RGR: variants seen among roughly 807,000 people sequenced by gnomAD.
RGR encodes retinal G protein coupled receptor, also known as RPE-retinal G protein-coupled receptor.
Under a neutral mutation model 28.6 loss-of-function variants are expected in RGR, and 30 were observed. The ratio of observed to expected loss-of-function variants is 1.05; its 90% CI spans 0.78 to 1.42. The LOEUF is 1.42. RGR is among the 40% of genes most tolerant of loss of function. The probability of loss-of-function intolerance (pLI) is 0.00; values close to 1 mark genes in which losing one functional copy is unlikely to be tolerated. For synonymous variants in RGR, 180 were observed against 156.4 expected (o/e 1.15, Z -1.13); for missense variants, 404 against 375.6 (o/e 1.08, Z -0.62).
At chr10:84,248,623 C>A in intron 2 of RGR, 1 of 513,306 alleles carries the variant, frequency 1.9e-6, no homozygotes. Context: ...GTCAGTTTCC[C>A]CACCTATCAA....
At chr10:84,251,347 G>T (rs1842816122) in intron 3 of RGR, among the ~76,000 whole-genome samples, 1 of 152,136 alleles carries the variant, frequency 6.6e-6, no homozygotes, top group Non-Finnish European at 1.5e-5. Flanking sequence ...GTCTTAGTCT[G>T]CCCAGGCTCC....
chr10:84,245,942 A>G (rs547942399), intron 1 of RGR, among the ~76,000 whole-genome samples: 14 of 152,340 alleles, frequency 9.2e-5, no homozygotes, highest in African/African-American at 3.4e-4. Flanking sequence ...GCAGACCCAG[A>G]GAAATCATCA....
At chr10:84,248,439 G>A in intron 2 of RGR, 1 of 252,072 alleles carries the variant, frequency 4.0e-6, no homozygotes, top group Non-Finnish European at 7.8e-6. Flanking sequence ...GGATGTGCAT[G>A]CTCAGTGCTG....
intron 3 of RGR, chr10:84,250,386 C>T: frequency 1.4e-6 from 1 of 717,424 alleles, no homozygotes; most frequent in Middle Eastern, 2.3e-4. Context: ...TCTCTCCAGG[C>T]CAAAATGCTG....
chr10:84,246,612 T>A (rs867494525), intron 1 of RGR, among the ~76,000 whole-genome samples: 11 of 152,380 alleles, frequency 7.2e-5, no homozygotes, highest in Middle Eastern at 3.4e-3. Context: ...CTACATTTTC[T>A]TTATCCATTC....
At chr10:84,245,853 G>A (rs1203238452) in intron 1 of RGR, among the ~76,000 whole-genome samples, 1 of 152,210 alleles carries the variant, frequency 6.6e-6, no homozygotes, top group Non-Finnish European at 1.5e-5. Flanking sequence ...GCTCGCTGAG[G>A]CCAGAGCTAG....
intron 3 of RGR, chr10:84,250,491 C>A (rs1157979456): frequency 5.6e-6 from 4 of 713,914 alleles, no homozygotes; most frequent in Non-Finnish European, 5.2e-6. Context: ...CAGCCCCTGC[C>A]CCTAATGCTC....
At position 84,248,906 on chromosome 10, in the gene RGR, C is replaced by T; in HGVS notation, c.237-16C>T. ...GGATCGGAGGAGAGGTCACTGGTGCCCAGTGTCTCCCACAGGCGCTGGCCC... is the reference window on the plus strand; with the variant it reads ...GGATCGGAGGAGAGGTCACTGGTGCTCAGTGTCTCCCACAGGCGCTGGCCC... On this transcript the variant is annotated splice_polypyrimidine_tract_variant and intron_variant, in intron 2 of 6. Coordinates refer to ENST00000652092, the MANE Select transcript of RGR (RefSeq NM_001012720.2). 6.2e-7 allele frequency: 1 copy of T among 1,614,186 alleles called. No individual in the cohort carries two copies. Among genetic ancestry groups the T allele is most frequent in the Non-Finnish European group, 8.5e-7 (1 of 1,180,028 alleles).
At chr10:84,250,221 C>A (rs1213054674) in intron 3 of RGR, among the ~76,000 whole-genome samples, 2 of 152,128 alleles carry the variant, frequency 1.3e-5, no homozygotes, top group African/African-American at 4.8e-5. Flanking sequence ...TGAATTTGTC[C>A]AGCACAGAGG....
chr10:84,256,667 G>A (rs913798411), intron 5 of RGR, among the ~76,000 whole-genome samples: 7 of 152,192 alleles, frequency 4.6e-5, no homozygotes, highest in African/African-American at 1.7e-4. Context: ...GCTCCCAGCT[G>A]GCTGCTGGCA....
chr10:84,258,358 C>T, intron 6 of RGR, 150 bp from the exon 7 acceptor site: 1 of 1,281,442 alleles, frequency 7.8e-7, no homozygotes, highest in Non-Finnish European at 1.1e-6. Context: ...GTGAGCCATG[C>T]ATCTCCACCA....
At chr10:84,258,180 C>T (rs1013944538) in intron 6 of RGR, among the ~76,000 whole-genome samples, 174 bp downstream of exon 6, 1 of 152,192 alleles carries the variant, frequency 6.6e-6, no homozygotes, top group Non-Finnish European at 1.5e-5. Context: ...TCCCCCACCT[C>T]GTCTCTGAGT....
chr10:84,254,482 C>G (rs545218891), intron 5 of RGR, 39 bp downstream of exon 5: 2 of 1,520,688 alleles, frequency 1.3e-6, no homozygotes, highest in Non-Finnish European at 9.1e-7. Flanking sequence ...GATGGTGCAG[C>G]GCAGCTCCAG....
chr10:84,254,448 G>C lies in RGR; in HGVS notation c.630+5G>C, dbSNP rs763749045. The C allele has an allele frequency of 6.2e-7, 1 of 1,611,076 alleles. No homozygotes were observed. The highest frequency in any genetic ancestry group is 1.7e-5 in the Admixed American group (1 of 59,994). ...GGGAAGAGTGGCCATCTCCAGGTAA[G>C]GACCCCCTTCCGGAGTGTTATCTGA... is the stretch of plus-strand genomic sequence containing the variant. On this transcript the variant is annotated splice_donor_5th_base_variant and intron_variant, in intron 5 of 6. Coordinates refer to ENST00000652092, the MANE Select transcript of RGR (RefSeq NM_001012720.2).
At position 84,256,901 on chromosome 10, in the gene RGR, C is replaced by A. The variant is rs543546920; in HGVS notation, c.631-992C>A. 2.5e-4 allele frequency among the ~76,000 whole-genome samples: 38 copies of A among 152,200 alleles called. No homozygotes were observed. In the East Asian group the frequency reaches 7.0e-3, roughly 28 times the overall value. ...CCCAAGCTGAGCGGCTTCCCGAGAC[C>A]GCGTAGCCTCCCCAGGGGATTCCAC... On this transcript the variant is annotated intron_variant, in intron 5 of 6. Coordinates refer to ENST00000652092, the MANE Select transcript of RGR (RefSeq NM_001012720.2).
Position 84,258,557 on chromosome 10 carries a change from A to G in RGR, c.794A>G (p.Tyr265Cys), listed in dbSNP as rs371107677. 1.0e-4 allele frequency: 164 copies of G among 1,614,060 alleles called. No individual in the cohort carries two copies. The highest frequency in any genetic ancestry group is 1.2e-4 in the Non-Finnish European group (140 of 1,180,040). Reference protein sequence around the residue: ...KMVPTINAINYALGNEMVCRG... With the variant: ...KMVPTINAINCALGNEMVCRG... Reference sequence around the variant, plus strand: ...GTGCCCACGATCAATGCCATCAACTATGCCCTGGGCAATGAGATGGTCTGC... The same window carrying G: ...GTGCCCACGATCAATGCCATCAACTGTGCCCTGGGCAATGAGATGGTCTGC... Residue 265 changes from tyrosine (Y) to cysteine (C), a missense_variant, in exon 7 of 7, where the codon TAT becomes TGT. Tyr to Cys is a radical substitution (Grantham distance 194, BLOSUM62 -2). Coordinates refer to ENST00000652092, the MANE Select transcript of RGR (RefSeq NM_001012720.2).
chr10:84,247,520 C>A (rs942916137), intron 1 of RGR, 71 bp from the exon 2 acceptor site: 5 of 1,567,704 alleles, frequency 3.2e-6, no homozygotes, highest in Non-Finnish European at 3.5e-6. Context: ...GTTCCATCCA[C>A]CCCACACACA....
chr10:84,255,970 C>A (rs193206433), intron 5 of RGR, among the ~76,000 whole-genome samples: 1 of 149,616 alleles, frequency 6.7e-6, no homozygotes, highest in Admixed American at 6.6e-5. Flanking sequence ...GTGATCCGCC[C>A]GCCTCCGCCT....
At chr10:84,255,392 G>C (rs1368323151) in intron 5 of RGR, 3 of 152,236 alleles carry the variant, frequency 2.0e-5, no homozygotes, top group Non-Finnish European at 4.4e-5. Context: ...CCAAGGATGT[G>C]AGGTTTGGCA....
Sources: allele counts gnomAD v4.1 joint callset (sites outside exome capture counted in the v4.1 genomes callset), GRCh38; gene constraint gnomAD v4.1.1; transcripts MANE v1.5; gene names NCBI Gene and HGNC (gene_info 2026-07-23, HGNC 2026-07-21).